The following TRHDE variants were observed in gnomAD, a reference collection of about 807,000 sequenced individuals.
The protein encoded by TRHDE is thyrotropin releasing hormone degrading enzyme.
TRHDE carries 72 observed loss-of-function variants against 125.7 expected under a neutral mutation model. The ratio of observed to expected loss-of-function variants is 0.57; its 90% CI spans 0.47 to 0.70. The LOEUF is 0.70. Among genes scored for constraint, TRHDE ranks in the 30% least tolerant of loss-of-function variants. The probability of loss-of-function intolerance (pLI) is 0.00; values close to 1 mark genes in which losing one functional copy is unlikely to be tolerated. For missense variants in TRHDE, 1,110 were observed against 1,327.1 expected (o/e 0.84, Z 2.54); for synonymous variants, 509 against 509.1 (o/e 1.00, Z 0.00).
At chr12:72,346,490 C>CCT (rs5799075) in intron 2 of TRHDE, among the ~76,000 whole-genome samples, 148,802 of 152,046 alleles carry the variant, frequency 0.98, 72,878 homozygotes, top group African/African-American at 1. Flanking sequence ...TAACTGTTCC[C>CCT]GAGGAGCATC....
intron 2 of TRHDE, among the ~76,000 whole-genome samples, chr12:72,245,370 A>G (rs1592498094): frequency 6.6e-6 from 1 of 151,824 alleles, no homozygotes; most frequent in African/African-American, 2.4e-5. Context: ...GAGGCTCTCT[A>G]CCTACCCATC....
intron 2 of TRHDE, among the ~76,000 whole-genome samples, chr12:72,201,575 C>A (rs1171794426): frequency 6.6e-6 from 1 of 151,990 alleles, no homozygotes; most frequent in Admixed American, 6.5e-5. Context: ...AAGTAGTTAA[C>A]CTAATGGAGT....
intron 15 of TRHDE, among the ~76,000 whole-genome samples, chr12:72,622,184 G>T (rs1243677802): frequency 1.3e-5 from 2 of 151,696 alleles, no homozygotes; most frequent in Admixed American, 6.6e-5. Flanking sequence ...AAAATAAAAG[G>T]TTATGAAAAA....
chr12:72,501,989 T>C (rs150318047), intron 6 of TRHDE, among the ~76,000 whole-genome samples: 1 of 152,210 alleles, frequency 6.6e-6, no homozygotes, highest in East Asian at 1.9e-4. Context: ...TTATTATCCC[T>C]TTAATAACTG....
intron 10 of TRHDE, 42 bp downstream of exon 10, chr12:72,568,698 A>G (rs1870577493): frequency 7.1e-7 from 1 of 1,408,720 alleles, no homozygotes; most frequent in Non-Finnish European, 1.0e-6. Context: ...CTGGTTTCAG[A>G]TAATTGTTTA....
At chr12:72,240,335 GTA>G (rs550773977) in intron 2 of TRHDE, among the ~76,000 whole-genome samples, 2 of 144,124 alleles carry the variant, frequency 1.4e-5, no homozygotes, top group African/African-American at 2.5e-5. Flanking sequence ...ATATTTGTGT[GTA>G]TATATATATA....
chr12:72,176,021 C>G (rs1237530657), intron 2 of TRHDE, among the ~76,000 whole-genome samples: 2 of 152,124 alleles, frequency 1.3e-5, no homozygotes, highest in East Asian at 3.9e-4. Flanking sequence ...CTAACAAGGC[C>G]ATGGACCACC....
rs117634936 is a variant in TRHDE, at chr12:72,099,954, G to A, written n.175-5694G>A. Among the ~76,000 whole-genome samples, 252 of 152,244 alleles carry A rather than the reference G, an allele frequency of 1.7e-3. 3 individuals are homozygous for A. In the East Asian group the frequency reaches 0.041, roughly 25 times the overall value. On this transcript the variant is annotated intron_variant and non_coding_transcript_variant, in intron 1 of 4. Coordinates refer to the TRHDE transcript ENST00000548156. Reference sequence around the variant, plus strand: ...AGAAATCCCAGGAAAATATCTGGACGTGCAGAGATTTCTGTAGGTAGTAAA... The same window carrying A: ...AGAAATCCCAGGAAAATATCTGGACATGCAGAGATTTCTGTAGGTAGTAAA...
intron 6 of TRHDE, among the ~76,000 whole-genome samples, chr12:72,536,335 A>G (rs1868856922): frequency 6.6e-6 from 1 of 152,142 alleles, no homozygotes; most frequent in Non-Finnish European, 1.5e-5. Context: ...CAAAAGATTT[A>G]TTTGTTAAAG....
At chr12:72,391,787 T>C (rs1872620210) in intron 3 of TRHDE, among the ~76,000 whole-genome samples, 1 of 152,156 alleles carries the variant, frequency 6.6e-6, no homozygotes, top group African/African-American at 2.4e-5. Flanking sequence ...CAAACTTCTC[T>C]AGTGGACAAA....
At chr12:72,206,593 A>G (rs1877670526) in intron 2 of TRHDE, among the ~76,000 whole-genome samples, 1 of 152,220 alleles carries the variant, frequency 6.6e-6, no homozygotes, top group South Asian at 2.1e-4. Flanking sequence ...CAGCATGTAT[A>G]GAAAGTGCTG....
At chr12:72,461,694 G>A (rs1876133943) in intron 3 of TRHDE, among the ~76,000 whole-genome samples, 1 of 150,794 alleles carries the variant, frequency 6.6e-6, no homozygotes, top group Non-Finnish European at 1.5e-5. Context: ...TATAATGTTT[G>A]TTGGCTCAAT....
At chr12:72,637,871 G>C (rs565496755) in intron 15 of TRHDE, among the ~76,000 whole-genome samples, 1 of 151,948 alleles carries the variant, frequency 6.6e-6, no homozygotes, top group South Asian at 2.1e-4. Context: ...CTGAGAGATA[G>C]TTTGTTATAA....
chr12:72,456,739 T>A (rs1325314867), intron 3 of TRHDE, among the ~76,000 whole-genome samples: 1 of 152,182 alleles, frequency 6.6e-6, no homozygotes, highest in Admixed American at 6.5e-5. Context: ...GGGTGCAAAG[T>A]GTTTTCCTCC....
chr12:72,452,332 A>G (rs1365581398), intron 3 of TRHDE, among the ~76,000 whole-genome samples: 3 of 152,088 alleles, frequency 2.0e-5, no homozygotes, highest in Non-Finnish European at 4.4e-5. Context: ...TAGCTCCAGT[A>G]GTTTTTTTGG....
intron 12 of TRHDE, among the ~76,000 whole-genome samples, chr12:72,587,038 A>G (rs1871469883): frequency 6.6e-6 from 1 of 152,172 alleles, no homozygotes; most frequent in Non-Finnish European, 1.5e-5. Flanking sequence ...CCCAGTGTGC[A>G]AATATAAAAA....
At chr12:72,398,675 C>T (rs1872908988) in intron 3 of TRHDE, among the ~76,000 whole-genome samples, 1 of 152,168 alleles carries the variant, frequency 6.6e-6, no homozygotes, top group Admixed American at 6.6e-5. Context: ...TTTTCAATTA[C>T]TTTAAGTCAG....
At chr12:72,460,858 G>A (rs1041295751) in intron 3 of TRHDE, among the ~76,000 whole-genome samples, 1 of 152,144 alleles carries the variant, frequency 6.6e-6, no homozygotes, top group Non-Finnish European at 1.5e-5. Context: ...TTAAAGGGGT[G>A]AGAAACTGAC....
At chr12:72,470,348 C>T (rs1354797940) in intron 4 of TRHDE, among the ~76,000 whole-genome samples, 2 of 152,190 alleles carry the variant, frequency 1.3e-5, no homozygotes, top group African/African-American at 2.4e-5. Flanking sequence ...TTCCCCTTTT[C>T]CCACCACATA....
Sources: allele counts gnomAD v4.1 joint callset (sites outside exome capture counted in the v4.1 genomes callset), GRCh38; gene constraint gnomAD v4.1.1; transcripts MANE v1.5; gene names NCBI Gene and HGNC (gene_info 2026-07-23, HGNC 2026-07-21).